The following ATXN2 variants were observed in gnomAD, a reference collection of about 807,000 sequenced individuals.
The protein encoded by ATXN2 is ataxin-2.
A neutral mutation model predicts 138.6 loss-of-function variants in ATXN2; 37 were observed. That is an observed-to-expected ratio of 0.27 (90% CI 0.21 to 0.35). ATXN2 has a LOEUF of 0.35. ATXN2 is among the 10% of genes least tolerant of loss of function. The pLI is 1.00. For synonymous variants in ATXN2, 549 were observed against 543.7 expected (o/e 1.01, Z -0.13); for missense variants, 1,216 against 1,480.3 (o/e 0.82, Z 2.93).
At chr12:111,457,094 C>A in intron 22 of ATXN2, 120 bp downstream of exon 22, 2 of 1,247,788 alleles carry the variant, frequency 1.6e-6, no homozygotes, top group Non-Finnish European at 2.2e-6. Flanking sequence ...ACAGCTGTAT[C>A]CATCTTCACG....
At chr12:111,518,602 T>C (rs1879984419) in intron 8 of ATXN2, among the ~76,000 whole-genome samples, 175 bp from the exon 9 acceptor site, 1 of 152,182 alleles carries the variant, frequency 6.6e-6, no homozygotes, top group Non-Finnish European at 1.5e-5. Flanking sequence ...AGTTCTAACC[T>C]CTGGACTGTC....
At chr12:111,599,664 C>G, upstream of ATXN2, 1 of 1,066,710 alleles carries the variant, frequency 9.4e-7, no homozygotes, top group East Asian at 5.4e-5. Context: ...CGCTGGGTTG[C>G]TTTCTCGGGG....
intron 1 of ATXN2, among the ~76,000 whole-genome samples, chr12:111,587,986 G>A (rs1884430654): frequency 6.6e-6 from 1 of 151,928 alleles, no homozygotes; most frequent in Admixed American, 6.6e-5. Flanking sequence ...TCGAGGCCAT[G>A]AGTTCAAGAT....
At chr12:111,547,463 C>T (rs6490187) in intron 5 of ATXN2, among the ~76,000 whole-genome samples, 10,370 of 151,448 alleles carry the variant, frequency 0.068, 1,265 homozygotes, top group East Asian at 0.57. Flanking sequence ...CGGTGGCTCA[C>T]GCTTGTGATC....
At chr12:111,596,294 C>A (rs978999900) in intron 1 of ATXN2, among the ~76,000 whole-genome samples, 1 of 151,112 alleles carries the variant, frequency 6.6e-6, no homozygotes, top group Admixed American at 6.6e-5. Context: ...ATTACATTAT[C>A]TTTCCTAAAA....
chr12:111,502,436 TC>T lies in ATXN2; in HGVS notation c.1935+7112del, dbSNP rs1259852487. Among the ~76,000 whole-genome samples the T allele has an allele frequency of 4.6e-5, 7 of 152,284 alleles. No individual in the cohort carries two copies. In the South Asian group the frequency reaches 1.2e-3, roughly 27 times the overall value. ...ATGGAAAACTTAAGTTCTTTTTTTTTCTTTTTTTTGGAGACGGAGTTTCGCT... is the reference window on the plus strand; with the variant it reads ...ATGGAAAACTTAAGTTCTTTTTTTTTTTTTTTTTGGAGACGGAGTTTCGCT... On this transcript the variant is annotated intron_variant, in intron 14 of 24. Transcript: ENST00000673436.
Position 111,598,973 on chromosome 12 carries a change from TGC to T in ATXN2, c.60_61del (p.Gln21AlafsTer68), listed in dbSNP as rs1566091024. ...CGGCTGCTGCTGCTGCTGCTGCTGC[TGC>T]TGTTGCTGCTGCTGCTGCTGCTGCT... On this transcript the variant is annotated frameshift_variant, in exon 1 of 25. Transcript: ENST00000673436. LOFTEE classifies it high-confidence loss of function. The surrounding 1 kb of genome is among the most constrained non-coding windows in gnomAD (Gnocchi z 4.5). The T allele has an allele frequency of 1.9e-5, 29 of 1,495,458 alleles. No homozygotes were observed. Among genetic ancestry groups the T allele is most frequent in the African/African-American group, 9.1e-5 (6 of 65,576 alleles). 92.6% of individuals were successfully genotyped at this position (1,495,458 alleles called of 1,614,324 possible). A position where few individuals can be genotyped will look rare whatever the true frequency, so the allele number is the denominator to read the frequency against.
intron 23 of ATXN2, chr12:111,454,785 A>T (rs563111918): frequency 2.0e-4 from 93 of 462,830 alleles, no homozygotes; most frequent in African/African-American, 1.3e-3. Context: ...CTTTCAGCAC[A>T]AAAACAGAGT....
intron 14 of ATXN2, among the ~76,000 whole-genome samples, chr12:111,495,768 C>G (rs1878383557): frequency 6.6e-6 from 1 of 152,066 alleles, no homozygotes; most frequent in Admixed American, 6.6e-5. Flanking sequence ...AACATTGTGT[C>G]CAACAGCTAT....
intron 5 of ATXN2, among the ~76,000 whole-genome samples, chr12:111,534,307 G>A (rs538940804): frequency 6.6e-6 from 1 of 151,930 alleles, no homozygotes; most frequent in Admixed American, 6.6e-5. Flanking sequence ...AGGCTGAGGT[G>A]GGAGAATCAC....
Position 111,513,618 on chromosome 12 carries a change from C to T in ATXN2, c.1376-79G>A, listed in dbSNP as rs1331486339. On this transcript the variant is annotated intron_variant, in intron 10 of 24. Transcript: ENST00000673436. ...CTTTTCTGCTAAATACACCCATTCA[C>T]ACACACATGCACACACACTCACTCA... 16 of 1,130,130 alleles carry T rather than the reference C, an allele frequency of 1.4e-5. 1 individual carries two copies. In the South Asian group the frequency reaches 2.3e-4, roughly 16 times the overall value. The allele number at this position is 1,130,130 out of a possible 1,614,324, so 70.0% of individuals were successfully genotyped here.
At chr12:111,530,007 C>T (rs1427595857) in intron 5 of ATXN2, among the ~76,000 whole-genome samples, 1 of 152,208 alleles carries the variant, frequency 6.6e-6, no homozygotes, top group African/African-American at 2.4e-5. Flanking sequence ...TTTTCTCAAA[C>T]ATCAAAGTTC....
At chr12:111,587,021 G>C (rs1884380063) in intron 1 of ATXN2, among the ~76,000 whole-genome samples, 1 of 141,394 alleles carries the variant, frequency 7.1e-6, no homozygotes, top group Non-Finnish European at 1.5e-5. Context: ...GACAGTTTAA[G>C]CCCAGAAGTT....
At position 111,500,877 on chromosome 12, in the gene ATXN2, A is replaced by C. The variant is rs533676692; in HGVS notation, c.1935+8672T>G. On this transcript the variant is annotated intron_variant, in intron 14 of 24. Coordinates refer to ENST00000673436, the MANE Select transcript of ATXN2 (RefSeq NM_001372574.1). ...ACAGAGTGAGACTCCGTCTAAAAAT[A>C]AATAAATAAAATAAGTTTAAAATTT... Among the ~76,000 whole-genome samples the C allele has an allele frequency of 4.6e-5, 7 of 152,322 alleles. No homozygotes were observed. In the South Asian group the frequency reaches 1.5e-3, roughly 32 times the overall value.
chr12:111,452,887 C>T (rs1189052228), intron 24 of ATXN2, 47 bp from the exon 25 acceptor site: 1 of 1,599,296 alleles, frequency 6.3e-7, no homozygotes, highest in Non-Finnish European at 8.5e-7. Context: ...GGCAACACCA[C>T]ACATCAGCCT....
chr12:111,475,128 G>A (rs1213101289), intron 18 of ATXN2, among the ~76,000 whole-genome samples: 2 of 151,868 alleles, frequency 1.3e-5, no homozygotes, highest in Non-Finnish European at 2.9e-5. Context: ...GCAGGAGAAT[G>A]GCATGAACCC....
At chr12:111,483,524 T>A (rs1359056304) in intron 18 of ATXN2, among the ~76,000 whole-genome samples, 2 of 145,202 alleles carry the variant, frequency 1.4e-5, no homozygotes, top group Non-Finnish European at 3.0e-5. Context: ...GCCCAGCTGA[T>A]CTTTGTATTT....
chr12:111,599,079 C>G lies in ATXN2; in HGVS notation c.-45G>C. 2 of 1,383,162 alleles carry G rather than the reference C, an allele frequency of 1.4e-6. No individual in the cohort carries two copies. The highest frequency in any genetic ancestry group is 9.4e-7 in the Non-Finnish European group (1 of 1,067,368). 85.7% of individuals were successfully genotyped at this position (1,383,162 alleles called of 1,614,324 possible). A position where few individuals can be genotyped will look rare whatever the true frequency, so the allele number is the denominator to read the frequency against. On this transcript the variant is annotated 5_prime_UTR_variant, in exon 1 of 25. Transcript: ENST00000673436. ...GGCTCGCACGCCGGGCGGGGACAGCCGGGAGCCGGGCGCGCCAAGGAGACG... is the reference window on the plus strand; with the variant it reads ...GGCTCGCACGCCGGGCGGGGACAGCGGGGAGCCGGGCGCGCCAAGGAGACG...
rs1389859723 is a variant in ATXN2, at chr12:111,545,362, T to TGAGG, written c.571+6914_571+6917dup. Among the ~76,000 whole-genome samples, 179 of 151,792 alleles carry TGAGG rather than the reference T, an allele frequency of 1.2e-3. 1 individual carries two copies. Among genetic ancestry groups the TGAGG allele is most frequent in the Non-Finnish European group, 4.3e-4 (29 of 67,902 alleles). On this transcript the variant is annotated intron_variant, in intron 5 of 24. Coordinates refer to ENST00000673436, the MANE Select transcript of ATXN2 (RefSeq NM_001372574.1). ...CTGTAATCCCAGCACTTTGGGAGGC[T>TGAGG]GAGGCAGGTGATCACTTGAGGTCAG...
Sources: allele counts gnomAD v4.1 joint callset (sites outside exome capture counted in the v4.1 genomes callset), GRCh38; gene constraint gnomAD v4.1.1; non-coding constraint Gnocchi (gnomAD v3.1); transcripts MANE v1.5; gene names NCBI Gene and HGNC (gene_info 2026-07-23, HGNC 2026-07-21).